The following DCP1B variants were observed in gnomAD, a reference collection of about 807,000 sequenced individuals.
DCP1B encodes the protein decapping mRNA 1B.
Under a neutral mutation model 60.5 loss-of-function variants are expected in DCP1B, and 47 were observed. That is an observed-to-expected ratio of 0.78 (90% CI 0.61 to 0.99). The LOEUF (loss-of-function observed/expected upper bound fraction) is 0.99, where lower values mean the gene tolerates loss of function less well. Among genes scored for constraint, DCP1B ranks in the 50% least tolerant of loss-of-function variants. The probability of loss-of-function intolerance (pLI) is 0.00; values close to 1 mark genes in which losing one functional copy is unlikely to be tolerated. For missense variants in DCP1B, 725 were observed against 756.8 expected (o/e 0.96, Z 0.49); for synonymous variants, 267 against 280.3 (o/e 0.95, Z 0.47).
chr12:1,956,812 G>A (rs889027873), intron 5 of DCP1B, among the ~76,000 whole-genome samples: 1 of 152,180 alleles, frequency 6.6e-6, no homozygotes, highest in Non-Finnish European at 1.5e-5. Flanking sequence ...TTAAAAGAAC[G>A]TGAATGCTTC....
chr12:1,987,612 G>T (rs888775008), intron 3 of DCP1B, among the ~76,000 whole-genome samples: 1 of 151,874 alleles, frequency 6.6e-6, no homozygotes, highest in Non-Finnish European at 1.5e-5. Flanking sequence ...TTTTCTTATG[G>T]TATTTAAATC....
chr12:1,955,397 G>A (rs2030845734), intron 6 of DCP1B, 35 bp downstream of exon 6: 8 of 1,593,080 alleles, frequency 5.0e-6, no homozygotes, highest in Non-Finnish European at 6.8e-6. Context: ...GAATTCTAGA[G>A]ACACACTGAA....
intron 8 of DCP1B, 118 bp from the exon 9 acceptor site, chr12:1,946,404 T>A: frequency 1.5e-6 from 1 of 688,352 alleles, no homozygotes; most frequent in Non-Finnish European, 2.3e-6. Flanking sequence ...TCTCCCTGTC[T>A]AACAGCTGGT....
In DCP1B at chr12:1,952,527, T is replaced by C. The variant is rs1418924273; in HGVS notation, c.1413A>G (p.Pro471=). The C allele has an allele frequency of 1.2e-6, 2 of 1,614,090 alleles. No homozygotes were observed. The highest frequency in any genetic ancestry group is 1.1e-5 in the South Asian group (1 of 91,094). ...QEQQLHASNR[P]ALAAKFPVLA... Reference sequence around the variant, plus strand: ...GCACAGGAAACTTAGCGGCCAAGGCTGGCCGGTTAGAGGCATGCAGCTGCT... The same window carrying C: ...GCACAGGAAACTTAGCGGCCAAGGCCGGCCGGTTAGAGGCATGCAGCTGCT... The change falls in exon 7 of 9, where the codon CCA becomes CCG. Residue 471 remains proline (P), a synonymous_variant. Transcript: ENST00000280665.
chr12:1,945,670 G>C (rs1016159335), downstream of DCP1B, among the ~76,000 whole-genome samples: 2 of 152,032 alleles, frequency 1.3e-5, no homozygotes, highest in South Asian at 2.1e-4. Context: ...AAGAAAATAC[G>C]GCATATATAC....
chr12:2,004,332 C>G lies in DCP1B; in HGVS notation c.100G>C (p.Val34Leu), dbSNP rs1307668338. The G allele has an allele frequency of 1.2e-6, 2 of 1,613,426 alleles. No individual in the cohort carries two copies. Among genetic ancestry groups the G allele is most frequent in the Admixed American group, 3.3e-5 (2 of 60,012 alleles). Residue 34 changes from valine to leucine, a missense_variant, in exon 1 of 9, where the codon GTG (valine) becomes CTG (leucine). Coordinates refer to ENST00000280665, the MANE Select transcript of DCP1B (RefSeq NM_152640.5). ...GTGTACAGAGCCACCTGGCTGGCCA[C>G]GTCCACGATGCGGTTGATATAGGGG... The part of the protein sequence containing the change: ...HDPYINRIVD[V>L]ASQVALYTFG...
At chr12:1,992,196 C>T (rs912200621) in intron 3 of DCP1B, 17 of 162,014 alleles carry the variant, frequency 1.0e-4, no homozygotes, top group Non-Finnish European at 1.9e-4. Flanking sequence ...TTCACAGGAC[C>T]TGCCATTAGT....
intron 1 of DCP1B, among the ~76,000 whole-genome samples, chr12:2,000,673 T>C (rs2041987076): frequency 2.0e-5 from 3 of 152,292 alleles, no homozygotes; most frequent in Admixed American, 6.5e-5. Flanking sequence ...CTGGGACCTG[T>C]AGTGGGGTTC....
intron 1 of DCP1B, 41 bp from the exon 2 acceptor site, chr12:1,998,016 C>T: frequency 6.4e-7 from 1 of 1,550,468 alleles, no homozygotes; most frequent in East Asian, 2.3e-5. Context: ...TGTATGTTCT[C>T]TTCAATTCAC....
chr12:1,991,817 T>TA (rs1338884123), intron 3 of DCP1B: 1 of 154,736 alleles, frequency 6.5e-6, no homozygotes. Context: ...TAGTAGTTAA[T>TA]ATGTGATCTA....
intron 5 of DCP1B, among the ~76,000 whole-genome samples, chr12:1,961,753 C>G (rs943790734): frequency 6.6e-5 from 10 of 151,992 alleles, no homozygotes; most frequent in African/African-American, 2.2e-4. Context: ...TTTTACTAAG[C>G]CTTAAAGGAT....
At chr12:2,003,405 T>C (rs925357001) in intron 1 of DCP1B, among the ~76,000 whole-genome samples, 64 of 152,376 alleles carry the variant, frequency 4.2e-4, no homozygotes, top group Non-Finnish European at 3.2e-4. Context: ...ATGGATATCA[T>C]GTATGTGATA....
At chr12:1,955,136 C>T (rs2030835209) in intron 6 of DCP1B, among the ~76,000 whole-genome samples, 9 of 152,178 alleles carry the variant, frequency 5.9e-5, no homozygotes, top group Admixed American at 5.2e-4. Context: ...GGATTACAGG[C>T]TTGAGCCACT....
At chr12:1,989,320 A>G (rs1406303975) in intron 3 of DCP1B, among the ~76,000 whole-genome samples, 1 of 151,356 alleles carries the variant, frequency 6.6e-6, no homozygotes, top group Non-Finnish European at 1.5e-5. Flanking sequence ...CCTGGGTGAC[A>G]GAGCAAGAAC....
intron 7 of DCP1B, among the ~76,000 whole-genome samples, chr12:1,951,070 G>C (rs943141865): frequency 6.6e-6 from 1 of 152,032 alleles, no homozygotes; most frequent in Non-Finnish European, 1.5e-5. Flanking sequence ...TCAGAAGTTC[G>C]AGACCAGCCA....
At chr12:1,944,865 T>C (rs1026568228), downstream of DCP1B, among the ~76,000 whole-genome samples, 16 of 152,302 alleles carry the variant, frequency 1.1e-4, no homozygotes, top group South Asian at 2.1e-4. Flanking sequence ...GTTCAGGACA[T>C]AGGCATGTGC....
chr12:1,976,975 T>C (rs1283433963), intron 3 of DCP1B, among the ~76,000 whole-genome samples: 1 of 152,188 alleles, frequency 6.6e-6, no homozygotes, highest in Non-Finnish European at 1.5e-5. Context: ...TAGGAACTAC[T>C]ATTTGCGACT....
chr12:1,965,777 T>C, intron 4 of DCP1B, 84 bp from the exon 5 acceptor site: 1 of 1,453,518 alleles, frequency 6.9e-7, no homozygotes, highest in Non-Finnish European at 9.1e-7. Flanking sequence ...TCTCACCTAG[T>C]TGTTTTCATC....
At chr12:1,990,409 G>A (rs1296490453) in intron 3 of DCP1B, among the ~76,000 whole-genome samples, 1 of 152,136 alleles carries the variant, frequency 6.6e-6, no homozygotes, top group African/African-American at 2.4e-5. Flanking sequence ...CTGTAATAAA[G>A]TAATCTATTT....
Sources: allele counts gnomAD v4.1 joint callset (sites outside exome capture counted in the v4.1 genomes callset), GRCh38; gene constraint gnomAD v4.1.1; transcripts MANE v1.5; gene names NCBI Gene and HGNC (gene_info 2026-07-23, HGNC 2026-07-21).